Variants in CDK13 observed in about 807,000 individuals in gnomAD.
The protein encoded by CDK13 is cyclin dependent kinase 13.
CDK13 carries 40 observed loss-of-function variants against 137.6 expected under a neutral mutation model. The observed-to-expected ratio is 0.29, with a 90% confidence interval of 0.23 to 0.38. CDK13 has a LOEUF of 0.38. CDK13 is among the 10% of genes least tolerant of loss of function. The probability of loss-of-function intolerance (pLI) is 1.00; values close to 1 mark genes in which losing one functional copy is unlikely to be tolerated. For missense variants in CDK13, 1,704 were observed against 1,951.8 expected (o/e 0.87, Z 2.39); for synonymous variants, 869 against 760.1 (o/e 1.14, Z -2.36).
At chr7:40,082,385 G>A (rs1245225769) in intron 11 of CDK13, among the ~76,000 whole-genome samples, 1 of 151,044 alleles carries the variant, frequency 6.6e-6, no homozygotes, top group East Asian at 2.0e-4. Context: ...TACTCGGGAG[G>A]CTGAGGCAGA....
intron 9 of CDK13, among the ~76,000 whole-genome samples, chr7:40,073,880 G>A (rs1363423102): frequency 6.7e-6 from 1 of 148,818 alleles, no homozygotes; most frequent in Non-Finnish European, 1.5e-5. Flanking sequence ...GTGAGCAACC[G>A]TGCCTGGCCT....
chr7:40,086,513 G>A (rs568605709), intron 11 of CDK13, among the ~76,000 whole-genome samples: 10 of 152,146 alleles, frequency 6.6e-5, no homozygotes, highest in Non-Finnish European at 1.2e-4. Flanking sequence ...ATTAGGGTAA[G>A]AAGAAAGCAT....
At position 40,098,036 on chromosome 7, in the gene CDK13, C is replaced by G. The variant is rs991670009; in HGVS notation, c.*3056C>G. On this transcript the variant is annotated 3_prime_UTR_variant, in exon 14 of 14. Transcript: ENST00000181839. ...CTGGAGAAGTTAGTGGTATTTGCTA[C>G]CCTCAGCTGTATCTAAATTGCACTT... is the stretch of plus-strand genomic sequence containing the variant. 1.3e-5 allele frequency: 2 copies of G among 152,018 alleles called. No homozygotes were observed. The highest frequency in any genetic ancestry group is 4.8e-5 in the African/African-American group (2 of 41,374). The allele number at this position is 152,018 out of a possible 1,614,324, so 9.4% of individuals were successfully genotyped here.
chr7:40,052,834 G>T (rs919483267), intron 7 of CDK13, among the ~76,000 whole-genome samples: 1 of 152,170 alleles, frequency 6.6e-6, no homozygotes, highest in African/African-American at 2.4e-5. Flanking sequence ...GGTTGATGCT[G>T]ATCTGGGAGA....
chr7:40,040,713 TTTAA>T (rs768228543), intron 5 of CDK13, among the ~76,000 whole-genome samples: 10 of 152,338 alleles, frequency 6.6e-5, no homozygotes, highest in Middle Eastern at 3.4e-3. Flanking sequence ...GCTTTTTAAA[TTTAA>T]TTAATTGATT....
chr7:40,028,613 ATTAT>A (rs1222916559), intron 5 of CDK13, among the ~76,000 whole-genome samples: 3 of 152,034 alleles, frequency 2.0e-5, no homozygotes, highest in Admixed American at 1.3e-4. Flanking sequence ...AAATAACACA[ATTAT>A]TTATTCCCCT....
At chr7:40,021,769 CA>C (rs1785131483) in intron 5 of CDK13, among the ~76,000 whole-genome samples, 1 of 151,684 alleles carries the variant, frequency 6.6e-6, no homozygotes, top group South Asian at 2.1e-4. Context: ...AAATGAGGTA[CA>C]GGGGTATAGG....
chr7:40,006,414 T>C (rs1391077156), intron 5 of CDK13, among the ~76,000 whole-genome samples: 1 of 152,242 alleles, frequency 6.6e-6, no homozygotes, highest in African/African-American at 2.4e-5. Flanking sequence ...AGCTTTTCTT[T>C]GTTACTTTCT....
At chr7:39,983,037 A>G (rs1784262595) in intron 1 of CDK13, among the ~76,000 whole-genome samples, 1 of 151,978 alleles carries the variant, frequency 6.6e-6, no homozygotes, top group African/African-American at 2.4e-5. Context: ...CCCATTTGTC[A>G]ATTTTGGCTT....
At chr7:40,014,860 T>C (rs538389572) in intron 5 of CDK13, among the ~76,000 whole-genome samples, 2 of 152,320 alleles carry the variant, frequency 1.3e-5, no homozygotes, top group South Asian at 4.1e-4. Flanking sequence ...ATGTTTTACA[T>C]AGTAATAATG....
At chr7:39,976,317 T>TCA (rs1240166684) in intron 1 of CDK13, among the ~76,000 whole-genome samples, 8 of 63,762 alleles carry the variant, frequency 1.3e-4, no homozygotes, top group African/African-American at 3.1e-4. Context: ...TCTCTCTCTC[T>TCA]CTCTCTCACA....
intron 5 of CDK13, among the ~76,000 whole-genome samples, chr7:40,010,727 TCTG>T (rs1434949186): frequency 6.6e-6 from 1 of 152,128 alleles, no homozygotes; most frequent in Non-Finnish European, 1.5e-5. Flanking sequence ...CTGCCACTCA[TCTG>T]CTGTGCGGCC....
chr7:40,075,382 A>G (rs544944337), intron 9 of CDK13, among the ~76,000 whole-genome samples: 48 of 152,242 alleles, frequency 3.2e-4, no homozygotes, highest in Non-Finnish European at 5.9e-4. Context: ...TCCATTGTGT[A>G]TCCTGCTTTC....
chr7:40,058,389 G>A (rs980415018), intron 7 of CDK13, among the ~76,000 whole-genome samples: 1 of 151,944 alleles, frequency 6.6e-6, no homozygotes, highest in Non-Finnish European at 1.5e-5. Context: ...AAGAAGTTAA[G>A]GGTAGCTGGG....
At chr7:39,995,061 A>T (rs530220669) in intron 2 of CDK13, among the ~76,000 whole-genome samples, 18 of 151,912 alleles carry the variant, frequency 1.2e-4, no homozygotes, top group African/African-American at 4.1e-4. Flanking sequence ...CTTCAGTCAA[A>T]TGTTTTATTT....
chr7:39,970,499 C>T (rs982247127), intron 1 of CDK13, among the ~76,000 whole-genome samples: 1 of 149,202 alleles, frequency 6.7e-6, no homozygotes, highest in East Asian at 2.0e-4. Flanking sequence ...CTTACTTCTT[C>T]GTCTAGACTG....
intron 9 of CDK13, among the ~76,000 whole-genome samples, chr7:40,076,554 G>A (rs972766481): frequency 3.3e-5 from 5 of 151,720 alleles, no homozygotes; most frequent in African/African-American, 1.2e-4. Context: ...AAGGGAGTAG[G>A]GTTGAGGAGG....
In CDK13 at chr7:40,023,719, T is replaced by G. The variant is rs1194526889; in HGVS notation, c.2353+21688T>G. On this transcript the variant is annotated intron_variant, in intron 5 of 13. Coordinates refer to ENST00000181839, the MANE Select transcript of CDK13 (RefSeq NM_003718.5). The stretch of plus-strand genomic sequence containing the variant: ...TTTCACCATGTTAGCCAGGATGGTC[T>G]CGTGATCCGCCCGCCTCGGCCTCCC... 2.0e-5 allele frequency among the ~76,000 whole-genome samples: 3 copies of G among 151,882 alleles called. No individual in the cohort carries two copies. In the East Asian group the frequency reaches 5.8e-4, roughly 30 times the overall value.
intron 12 of CDK13, among the ~76,000 whole-genome samples, chr7:40,089,224 CAT>C (rs1786860594): frequency 6.6e-6 from 1 of 151,566 alleles, no homozygotes. Context: ...CACTTGAGCC[CAT>C]GAGTTCGAGA....
Sources: gnomAD v4.1 joint callset for allele counts (sites outside exome capture counted in the v4.1 genomes callset) on GRCh38, gnomAD v4.1.1 for gene constraint, MANE v1.5 for transcripts, NCBI Gene and HGNC (gene_info 2026-07-23, HGNC 2026-07-21) for gene names.